The following PDZD2 variants were observed in gnomAD, a reference collection of about 807,000 sequenced individuals.
PDZD2 encodes the protein PDZ domain containing 2, also known as PDZ domain-containing protein 2.
A neutral mutation model predicts 220.7 loss-of-function variants in PDZD2; 90 were observed. The observed-to-expected ratio is 0.41, with a 90% CI of 0.34 to 0.49. The LOEUF is 0.49. PDZD2 is among the 20% of genes least tolerant of loss of function. The pLI is 0.28. For synonymous variants in PDZD2, 1,375 were observed against 1,450.5 expected (o/e 0.95, Z 1.18); for missense variants, 3,174 against 3,608.5 (o/e 0.88, Z 3.08).
At chr5:31,846,155 A>C (rs570766780) in intron 2 of PDZD2, among the ~76,000 whole-genome samples, 1 of 152,250 alleles carries the variant, frequency 6.6e-6, no homozygotes, top group African/African-American at 2.4e-5. Flanking sequence ...TTTCTTTGAG[A>C]CGGAGTCTCA....
intron 1 of PDZD2, among the ~76,000 whole-genome samples, chr5:31,679,833 T>C (rs1023128994): frequency 1.3e-5 from 2 of 152,146 alleles, no homozygotes; most frequent in Non-Finnish European, 2.9e-5. Flanking sequence ...TTTTGAAGGT[T>C]CCCCCTGGAG....
intron 6 of PDZD2, among the ~76,000 whole-genome samples, chr5:32,035,636 A>C (rs773495147): frequency 6.6e-6 from 1 of 152,150 alleles, no homozygotes; most frequent in Non-Finnish European, 1.5e-5. Context: ...GTACCCAGCT[A>C]TATACTGAAT....
chr5:32,057,759 C>T, intron 11 of PDZD2, 31 bp downstream of exon 11: 1 of 1,478,012 alleles, frequency 6.8e-7, no homozygotes, highest in Non-Finnish European at 9.4e-7. Flanking sequence ...CTCCTTTATC[C>T]TATTTTCCTT....
At chr5:31,757,591 CAAA>C (rs1356882448) in intron 1 of PDZD2, among the ~76,000 whole-genome samples, 2 of 128,460 alleles carry the variant, frequency 1.6e-5, no homozygotes, top group African/African-American at 2.9e-5. Context: ...GACTCTGCCT[CAAA>C]AAAAAAAAAA....
intron 1 of PDZD2, among the ~76,000 whole-genome samples, chr5:31,746,933 T>C (rs1314063365): frequency 2.0e-5 from 3 of 152,208 alleles, no homozygotes; most frequent in Non-Finnish European, 2.9e-5. Context: ...CTCAGCACTT[T>C]GGGAGGCTGA....
chr5:31,750,402 G>A (rs1037557179), intron 1 of PDZD2, among the ~76,000 whole-genome samples: 5 of 152,228 alleles, frequency 3.3e-5, no homozygotes, highest in Non-Finnish European at 7.3e-5. Flanking sequence ...TAAATAGCAA[G>A]CAGTTGTCAT....
intron 2 of PDZD2, among the ~76,000 whole-genome samples, chr5:31,805,347 AG>A (rs1754653875): frequency 2.0e-5 from 3 of 152,204 alleles, no homozygotes; most frequent in Non-Finnish European, 4.4e-5. Context: ...GTTCCTTTTC[AG>A]TCTTTGTGAC....
intron 1 of PDZD2, among the ~76,000 whole-genome samples, chr5:31,680,286 A>G (rs974014821): frequency 3.9e-5 from 6 of 152,308 alleles, no homozygotes; most frequent in African/African-American, 1.2e-4. Flanking sequence ...CTTCACAGAA[A>G]GGCTCTTGTC....
intron 2 of PDZD2, among the ~76,000 whole-genome samples, chr5:31,914,586 A>G (rs1743513242): frequency 6.6e-6 from 1 of 152,190 alleles, no homozygotes; most frequent in Admixed American, 6.5e-5. Flanking sequence ...AAAAGGAAAA[A>G]TTTAGGAGTA....
At chr5:31,909,925 G>A (rs1463855583) in intron 2 of PDZD2, among the ~76,000 whole-genome samples, 3 of 152,134 alleles carry the variant, frequency 2.0e-5, no homozygotes, top group Non-Finnish European at 4.4e-5. Context: ...AAGACCACAA[G>A]TATTCATATA....
At chr5:31,843,555 C>G (rs552540400) in intron 2 of PDZD2, 1 of 152,388 alleles carries the variant, frequency 6.6e-6, no homozygotes, top group East Asian at 1.9e-4. Flanking sequence ...GCATGAGCCA[C>G]CACGTCCAGT....
chr5:31,707,067 A>G (rs1228561419), intron 1 of PDZD2, among the ~76,000 whole-genome samples: 1 of 144,500 alleles, frequency 6.9e-6, no homozygotes, highest in Non-Finnish European at 1.5e-5. Flanking sequence ...GAAAGCAAAC[A>G]CCACATGTTC....
chr5:31,981,616 A>C (rs1416357945), intron 2 of PDZD2, among the ~76,000 whole-genome samples: 1 of 152,220 alleles, frequency 6.6e-6, no homozygotes, highest in Non-Finnish European at 1.5e-5. Context: ...GCAGCATTGC[A>C]TGTAGCCCCA....
At chr5:31,659,905 G>T (rs546346095) in intron 1 of PDZD2, among the ~76,000 whole-genome samples, 1 of 152,270 alleles carries the variant, frequency 6.6e-6, no homozygotes, top group Non-Finnish European at 1.5e-5. Flanking sequence ...GTTTAATTCA[G>T]CAGCTAATAA....
At chr5:32,073,264 A>G (rs1056681730) in intron 17 of PDZD2, among the ~76,000 whole-genome samples, 5 of 152,174 alleles carry the variant, frequency 3.3e-5, no homozygotes, top group Non-Finnish European at 7.3e-5. Context: ...GTAATTTTTC[A>G]CTGCATTTAA....
At chr5:31,855,649 C>T (rs533731934) in intron 2 of PDZD2, among the ~76,000 whole-genome samples, 29 of 152,356 alleles carry the variant, frequency 1.9e-4, no homozygotes, top group African/African-American at 6.5e-4. Context: ...AAGCTGCTTT[C>T]TCTACCCGCG....
At chr5:31,826,996 C>T (rs539946517) in intron 2 of PDZD2, among the ~76,000 whole-genome samples, 2 of 152,264 alleles carry the variant, frequency 1.3e-5, no homozygotes, top group East Asian at 3.9e-4. Flanking sequence ...AATAGTGTGT[C>T]TGTCCCTATA....
intron 1 of PDZD2, among the ~76,000 whole-genome samples, chr5:31,675,729 C>T (rs1451328247): frequency 6.6e-6 from 1 of 152,166 alleles, no homozygotes; most frequent in African/African-American, 2.4e-5. Flanking sequence ...CGGGCTCCCA[C>T]TCTGTCACCC....
chr5:31,840,397 T>TAC (rs1491256887), intron 2 of PDZD2: 5 of 2,682 alleles, frequency 1.9e-3, no homozygotes, highest in African/African-American at 4.0e-3. Context: ...TCATTTTCAT[T>TAC]ATATATATAT....
Sources: allele counts gnomAD v4.1 joint callset (sites outside exome capture counted in the v4.1 genomes callset), GRCh38; gene constraint gnomAD v4.1.1; transcripts MANE v1.5; gene names NCBI Gene and HGNC (gene_info 2026-07-23, HGNC 2026-07-21).